SAXO1: variants seen among roughly 807,000 people sequenced by gnomAD.
SAXO1 encodes 4930500O09Rik.
In SAXO1, 21 loss-of-function variants were observed where a neutral mutation model predicts 17.5. The ratio of observed to expected loss-of-function variants is 1.20; its 90% confidence interval spans 0.85 to 1.72. SAXO1 has a LOEUF of 1.72. SAXO1 is among the 40% of genes most tolerant of loss of function. SAXO1 has a pLI of 0.00. For missense variants in SAXO1, 843 were observed against 596.0 expected (o/e 1.41, Z -4.32); for synonymous variants, 274 against 216.5 (o/e 1.27, Z -2.33).
intron 1 of SAXO1, among the ~76,000 whole-genome samples, chr9:18,970,493 C>G (rs1283745139): frequency 6.6e-6 from 1 of 152,192 alleles, no homozygotes; most frequent in Non-Finnish European, 1.5e-5. Flanking sequence ...CTCCTAGCTT[C>G]AAGTTCAGGC....
chr9:18,958,420 T>A (rs1002743444), intron 1 of SAXO1, among the ~76,000 whole-genome samples: 1 of 151,972 alleles, frequency 6.6e-6, no homozygotes, highest in African/African-American at 2.4e-5. Flanking sequence ...GGAGACTCCG[T>A]CTGAGAAAAT....
intron 1 of SAXO1, among the ~76,000 whole-genome samples, chr9:19,015,660 T>TA (rs2131001728): frequency 8.0e-6 from 1 of 125,016 alleles, no homozygotes; most frequent in East Asian, 2.4e-4. Context: ...TTTTTTTTTT[T>TA]AAGAGACTGA....
chr9:18,961,455 G>T (rs764565181), intron 1 of SAXO1, among the ~76,000 whole-genome samples: 1 of 152,054 alleles, frequency 6.6e-6, no homozygotes, highest in African/African-American at 2.4e-5. Flanking sequence ...CATCATCTAC[G>T]TTAGGTATTA....
chr9:18,929,879 CAGTT>C (rs1298877458), intron 3 of SAXO1, among the ~76,000 whole-genome samples: 5 of 152,322 alleles, frequency 3.3e-5, no homozygotes, highest in South Asian at 2.1e-4. Context: ...CTGGTTCTAA[CAGTT>C]AGGGAATACC....
chr9:19,000,536 T>C (rs1049335016), intron 1 of SAXO1, among the ~76,000 whole-genome samples: 1 of 149,934 alleles, frequency 6.7e-6, no homozygotes, highest in Non-Finnish European at 1.5e-5. Flanking sequence ...GCTGCCCCCC[T>C]CTAGGAAATG....
At chr9:18,982,437 T>G (rs1833429002) in intron 1 of SAXO1, among the ~76,000 whole-genome samples, 1 of 152,008 alleles carries the variant, frequency 6.6e-6, no homozygotes, top group Non-Finnish European at 1.5e-5. Flanking sequence ...AGGCAACCAG[T>G]CTCCTAGGAA....
intron 1 of SAXO1, among the ~76,000 whole-genome samples, chr9:18,995,686 T>C (rs145084042): frequency 6.6e-6 from 1 of 152,244 alleles, no homozygotes; most frequent in Non-Finnish European, 1.5e-5. Flanking sequence ...CCACAAATAA[T>C]TCAGGTTTAG....
chr9:19,014,642 A>G (rs1167539422), intron 1 of SAXO1, among the ~76,000 whole-genome samples: 1 of 152,136 alleles, frequency 6.6e-6, no homozygotes, highest in Non-Finnish European at 1.5e-5. Flanking sequence ...TGAAACTACA[A>G]GATGCTTTGT....
At chr9:19,014,358 A>T (rs974579823) in intron 1 of SAXO1, among the ~76,000 whole-genome samples, 2 of 151,254 alleles carry the variant, frequency 1.3e-5, no homozygotes, top group South Asian at 4.2e-4. Flanking sequence ...GCTACTCGGC[A>T]GGCTGAGGCA....
At chr9:18,978,377 A>G (rs547215971) in intron 1 of SAXO1, among the ~76,000 whole-genome samples, 1 of 152,218 alleles carries the variant, frequency 6.6e-6, no homozygotes, top group South Asian at 2.1e-4. Flanking sequence ...AAAACCAAAC[A>G]TCTGTTTGTT....
chr9:18,971,717 T>C (rs1832949417), intron 1 of SAXO1, among the ~76,000 whole-genome samples: 1 of 152,178 alleles, frequency 6.6e-6, no homozygotes, highest in South Asian at 2.1e-4. Flanking sequence ...CAAAGTTGTC[T>C]CTGATTTCAC....
intron 1 of SAXO1, among the ~76,000 whole-genome samples, chr9:18,958,021 AC>A: frequency 6.6e-6 from 1 of 152,300 alleles, no homozygotes; most frequent in East Asian, 1.9e-4. Context: ...CATACTCCCT[AC>A]CTACACCTCG....
intron 1 of SAXO1, among the ~76,000 whole-genome samples, chr9:19,048,916 G>T (rs1250540268): frequency 6.6e-6 from 1 of 152,230 alleles, no homozygotes; most frequent in Non-Finnish European, 1.5e-5. Context: ...CTCCTAGGAG[G>T]GACTTGCTAT....
chr9:19,023,130 C>T (rs1480562464), intron 1 of SAXO1, among the ~76,000 whole-genome samples: 1 of 143,932 alleles, frequency 6.9e-6, no homozygotes, highest in Non-Finnish European at 1.5e-5. Flanking sequence ...CCCCCAAACA[C>T]CAGATTACAT....
chr9:18,942,670 T>C (rs1209329526), intron 2 of SAXO1, among the ~76,000 whole-genome samples: 1 of 152,168 alleles, frequency 6.6e-6, no homozygotes, highest in African/African-American at 2.4e-5. Context: ...AAAAGTATAA[T>C]GGTCTTCACT....
chr9:19,007,973 C>CTT (rs112830612), intron 1 of SAXO1, among the ~76,000 whole-genome samples: 2,449 of 140,218 alleles, frequency 0.017, 66 homozygotes, highest in African/African-American at 0.058. Context: ...ACTACCAGGT[C>CTT]TTTTTTTTTT....
Position 18,930,489 on chromosome 9 carries a change from C to A in SAXO1, c.422-1434G>T, listed in dbSNP as rs1830992754. Among the ~76,000 whole-genome samples the A allele has an allele frequency of 2.7e-5, 4 of 148,004 alleles. No homozygotes were observed. The South Asian group carries it at 6.4e-4, about 24-fold the overall frequency. ...AAACCATGTGATTCAACTGCCTTGG[C>A]ACTGCTGGAACTTTTTTTTTTTTAT... On this transcript the variant is annotated intron_variant, in intron 3 of 3. Coordinates refer to ENST00000380534, the MANE Select transcript of SAXO1 (RefSeq NM_153707.4).
At chr9:19,011,355 C>A (rs188755012) in intron 1 of SAXO1, among the ~76,000 whole-genome samples, 1 of 152,228 alleles carries the variant, frequency 6.6e-6, no homozygotes, top group African/African-American at 2.4e-5. Context: ...ACTAAACACT[C>A]ATGCCCTGCT....
intron 1 of SAXO1, among the ~76,000 whole-genome samples, chr9:19,012,496 G>T (rs1428890668): frequency 6.6e-6 from 1 of 152,228 alleles, no homozygotes; most frequent in East Asian, 1.9e-4. Context: ...TATATCTAAA[G>T]ATATGTCAAT....
Sources: allele counts gnomAD v4.1 joint callset (sites outside exome capture counted in the v4.1 genomes callset), GRCh38; gene constraint gnomAD v4.1.1; transcripts MANE v1.5; gene names NCBI Gene and HGNC (gene_info 2026-07-23, HGNC 2026-07-21).